The following PARD3 variants were observed in gnomAD, a reference collection of about 807,000 sequenced individuals.
PARD3 encodes partitioning defective 3 homolog.
PARD3 carries 75 observed loss-of-function variants against 155.4 expected under a neutral mutation model. The observed-to-expected ratio is 0.48, with a 90% confidence interval of 0.40 to 0.58. The LOEUF is 0.58. Among genes scored for constraint, PARD3 ranks in the 20% least tolerant of loss-of-function variants. PARD3 has a pLI of 0.00. For missense variants in PARD3, 1,642 were observed against 1,721.7 expected, an observed-to-expected ratio of 0.95 and a Z score of 0.82; for synonymous variants, 576 against 610.5, an observed-to-expected ratio of 0.94 and a Z score of 0.83.
chr10:34,451,869 G>C (rs1254291126), intron 4 of PARD3, among the ~76,000 whole-genome samples: 1 of 150,124 alleles, frequency 6.7e-6, no homozygotes, highest in Non-Finnish European at 1.5e-5. Context: ...CGTATCTCAA[G>C]ATACTAAGAG....
chr10:34,765,342 T>C (rs546248908), intron 1 of PARD3, among the ~76,000 whole-genome samples: 1 of 152,304 alleles, frequency 6.6e-6, no homozygotes, highest in East Asian at 1.9e-4. Flanking sequence ...CCACATTACA[T>C]AAACCAGGCA....
At chr10:34,145,117 T>C (rs1231677193) in intron 22 of PARD3, among the ~76,000 whole-genome samples, 2 of 149,760 alleles carry the variant, frequency 1.3e-5, no homozygotes, top group South Asian at 4.2e-4. Flanking sequence ...TCTATTATCT[T>C]CTAGCTTACA....
intron 2 of PARD3, among the ~76,000 whole-genome samples, chr10:34,600,323 C>T (rs552894244): frequency 9.2e-5 from 14 of 151,466 alleles, no homozygotes; most frequent in Non-Finnish European, 1.8e-4. Context: ...CCAGCCTGGG[C>T]GACAGAGCGA....
chr10:34,652,002 C>T (rs1309342976), intron 2 of PARD3, among the ~76,000 whole-genome samples: 4 of 152,178 alleles, frequency 2.6e-5, no homozygotes, highest in Non-Finnish European at 5.9e-5. Flanking sequence ...CACTGTCAGT[C>T]GCAGCATCTG....
At chr10:34,155,669 TG>T (rs931984972) in intron 22 of PARD3, among the ~76,000 whole-genome samples, 3 of 2,650 alleles carry the variant, frequency 1.1e-3, no homozygotes, top group Non-Finnish European at 1.4e-3. Context: ...CCTCTAAAAA[TG>T]TGTGTGTGTG....
intron 4 of PARD3, 25 bp from the exon 5 acceptor site, chr10:34,450,473 G>C (rs1044672788): frequency 1.3e-6 from 2 of 1,595,084 alleles, no homozygotes; most frequent in South Asian, 2.3e-5. Context: ...ACAAAAAGGT[G>C]TCTTGTAAAA....
rs762538286 is a variant in PARD3, at chr10:34,384,252, G to C, written c.893C>G (p.Thr298Ser). 1.9e-6 allele frequency: 3 copies of C among 1,612,632 alleles called. No individual in the cohort carries two copies. The highest frequency in any genetic ancestry group is 2.7e-5 in the African/African-American group (2 of 74,850). Residue 298 changes from threonine (T) to serine (S), a missense_variant and splice_region_variant, in exon 8 of 25, where the codon ACC becomes AGC. By Grantham distance (58) the Thr-to-Ser change is moderately conservative (BLOSUM62 1). This residue lies in a region of PARD3 where 1,529 missense variants were observed against 1,587.3 expected (regional missense o/e 0.96). Coordinates refer to ENST00000374788, the MANE Select transcript of PARD3 (RefSeq NM_001184785.2). Reference sequence around the variant, plus strand: ...CAATCGTTTTACTAATAACCCCAGGGTTCTGGAACATTAAGAATGCAAATG... The same window carrying C: ...CAATCGTTTTACTAATAACCCCAGGCTTCTGGAACATTAAGAATGCAAATG... ...VVPFSARGGR[T>S]LGLLVKRLEK... is the part of the protein sequence containing the mutation.
At chr10:34,563,555 G>A (rs1361282521) in intron 2 of PARD3, among the ~76,000 whole-genome samples, 1 of 149,928 alleles carries the variant, frequency 6.7e-6, no homozygotes, top group African/African-American at 2.5e-5. Flanking sequence ...TTTTGAGATG[G>A]AGTCTTGCTA....
intron 2 of PARD3, among the ~76,000 whole-genome samples, chr10:34,619,309 C>T (rs2091469555): frequency 6.6e-6 from 1 of 152,058 alleles, no homozygotes; most frequent in Non-Finnish European, 1.5e-5. Flanking sequence ...CTCAGCCTCC[C>T]AAAGTGCTGG....
chr10:34,503,143 G>C (rs1203841073), intron 3 of PARD3, among the ~76,000 whole-genome samples: 2 of 152,060 alleles, frequency 1.3e-5, no homozygotes, highest in East Asian at 1.9e-4. Flanking sequence ...CTTGTTCTAA[G>C]CCACAAATCA....
rs148841230 is a variant in PARD3, at chr10:34,722,187, G to A, written c.121-25768C>T. On this transcript the variant is annotated intron_variant, in intron 1 of 24. Transcript: ENST00000374788. The stretch of plus-strand genomic sequence containing the variant: ...CAGCCTTGTGATAAAGTGAGATCCT[G>A]TCTCAAAATATATATTTTTGAGACA... 5.6e-3 allele frequency among the ~76,000 whole-genome samples: 845 copies of A among 151,964 alleles called. 8 individuals carry two copies. Among genetic ancestry groups the A allele is most frequent in the African/African-American group, 0.019 (799 of 41,466 alleles).
intron 20 of PARD3, among the ~76,000 whole-genome samples, chr10:34,285,723 T>G (rs962317245): frequency 2.6e-5 from 4 of 152,162 alleles, no homozygotes; most frequent in Admixed American, 1.3e-4. Flanking sequence ...TGTCTACATA[T>G]GAATTAAAGT....
intron 24 of PARD3, among the ~76,000 whole-genome samples, chr10:34,112,419 G>C (rs1946432377): frequency 6.6e-6 from 1 of 152,070 alleles, no homozygotes; most frequent in Non-Finnish European, 1.5e-5. Flanking sequence ...TTACTATCAA[G>C]TCTCTAGATG....
chr10:34,172,712 C>T (rs769166064), intron 22 of PARD3, among the ~76,000 whole-genome samples: 5 of 144,718 alleles, frequency 3.5e-5, no homozygotes, highest in African/African-American at 5.1e-5. Context: ...CATCATTTGG[C>T]GACAAAAAAC....
At chr10:34,774,804 C>A (rs55791013) in intron 1 of PARD3, among the ~76,000 whole-genome samples, 40 of 152,298 alleles carry the variant, frequency 2.6e-4, no homozygotes, top group African/African-American at 8.9e-4. Context: ...TAAGTGACAT[C>A]CAGACTTTAG....
intron 9 of PARD3, among the ~76,000 whole-genome samples, chr10:34,380,481 G>GT (rs1841713873): frequency 6.6e-6 from 1 of 152,046 alleles, no homozygotes. Flanking sequence ...TACCAGTTTT[G>GT]TAAGTAAAAT....
intron 22 of PARD3, among the ~76,000 whole-genome samples, chr10:34,132,532 G>A (rs2132785903): frequency 6.6e-6 from 1 of 152,274 alleles, no homozygotes; most frequent in Non-Finnish European, 1.5e-5. Context: ...CATTTGTAAA[G>A]TACAAATTTT....
At chr10:34,232,143 A>G (rs929527363) in intron 22 of PARD3, among the ~76,000 whole-genome samples, 3 of 152,158 alleles carry the variant, frequency 2.0e-5, no homozygotes, top group Non-Finnish European at 4.4e-5. Context: ...CTGAGATAAT[A>G]TTACCAGATA....
At chr10:34,700,233 T>C (rs1178127692) in intron 1 of PARD3, among the ~76,000 whole-genome samples, 2 of 152,016 alleles carry the variant, frequency 1.3e-5, no homozygotes, top group Non-Finnish European at 2.9e-5. Flanking sequence ...GAAGAATCAC[T>C]GCTCTTATTC....
Sources: gnomAD v4.1 joint callset for allele counts (sites outside exome capture counted in the v4.1 genomes callset) on GRCh38, gnomAD v4.1.1 for gene constraint, gnomAD v4.1.1 regional missense constraint, MANE v1.5 for transcripts, NCBI Gene and HGNC (gene_info 2026-07-23, HGNC 2026-07-21) for gene names.